Variants in POLE observed in about 807,000 individuals in gnomAD.
POLE encodes the protein DNA polymerase epsilon catalytic subunit A.
Under a neutral mutation model 279.2 loss-of-function variants are expected in POLE, and 188 were observed. The observed-to-expected ratio is 0.67, with a 90% CI of 0.60 to 0.76. The LOEUF is 0.76. Ranked by LOEUF, POLE falls within the 30% of genes least tolerant of loss-of-function variation. The pLI is 0.00. For missense variants in POLE, 2,703 were observed against 3,016.7 expected, an observed-to-expected ratio of 0.90 and a Z score of 2.44; for synonymous variants, 1,214 against 1,172.5, an observed-to-expected ratio of 1.04 and a Z score of -0.72.
rs371146029 is a variant in POLE, at chr12:132,632,318, G to A, written c.6327C>T (p.Cys2109=). The change falls in exon 45 of 49, where the codon TGC becomes TGT. Residue 2109 remains cysteine, a synonymous_variant. Coordinates refer to ENST00000320574, the MANE Select transcript of POLE (RefSeq NM_006231.4). ...NPALEFIKYV[C]KVLSLDTNIT... ...ACACGCACGCTGGCACTCTCACCTTGCACACGTATTTGATGAACTCCAGGG... is the reference window on the plus strand; with the variant it reads ...ACACGCACGCTGGCACTCTCACCTTACACACGTATTTGATGAACTCCAGGG... 4.3e-6 allele frequency: 7 copies of A among 1,613,170 alleles called. No homozygotes were observed. The highest frequency in any genetic ancestry group is 1.3e-5 in the African/African-American group (1 of 74,898).
intron 29 of POLE, among the ~76,000 whole-genome samples, chr12:132,656,281 G>A (rs1030142003): frequency 6.6e-6 from 1 of 152,098 alleles, no homozygotes. Context: ...ACTCCGTCTT[G>A]GGGGGCAGGG....
At chr12:132,672,396 G>C in intron 15 of POLE, 74 bp from the exon 16 acceptor site, 2 of 1,269,460 alleles carry the variant, frequency 1.6e-6, no homozygotes, top group South Asian at 2.4e-5. Context: ...TTGACGCTGT[G>C]GCTGCACGTG....
At chr12:132,631,929 C>G (rs1187013962) in intron 45 of POLE, among the ~76,000 whole-genome samples, 1 of 152,180 alleles carries the variant, frequency 6.6e-6, no homozygotes. Context: ...CTTCTCGGGT[C>G]GGCTGGCAGC....
At chr12:132,672,933 A>G in intron 14 of POLE, 94 bp from the exon 15 acceptor site, 15 of 1,172,556 alleles carry the variant, frequency 1.3e-5, no homozygotes, top group Middle Eastern at 4.5e-4. Context: ...TTCAGTGTGA[A>G]AGGAGAGAAA....
intron 32 of POLE, among the ~76,000 whole-genome samples, chr12:132,645,800 CCACACACACA>C (rs10553413): frequency 1.3e-5 from 2 of 149,780 alleles, no homozygotes; most frequent in Admixed American, 6.6e-5. Flanking sequence ...ACACACACAC[CCACACACACA>C]CACACAAAAT....
intron 29 of POLE, chr12:132,650,693 A>G (rs1017939375): frequency 6.6e-6 from 1 of 152,202 alleles, no homozygotes; most frequent in East Asian, 1.9e-4. Flanking sequence ...GCATTTTGCC[A>G]TGTTTGCTCC....
Position 132,658,881 on chromosome 12 carries a change from C to CAAAAAAAAAAAA in POLE, c.3275+402_3275+413dup, listed in dbSNP as rs1167117347. Among the ~76,000 whole-genome samples, 238 of 33,826 alleles carry CAAAAAAAAAAAA rather than the reference C, an allele frequency of 7.0e-3. 49 individuals are homozygous for CAAAAAAAAAAAA. The highest frequency in any genetic ancestry group is 8.4e-3 in the Non-Finnish European group (150 of 17,920). 22.2% of individuals were successfully genotyped at this position (33,826 alleles called of 152,430 possible). A position where few individuals can be genotyped will look rare whatever the true frequency, so the allele number is the denominator to read the frequency against. Reference sequence around the variant, plus strand: ...ACTGGTCCTATTTGTATATAACCACCAAAAAAAAAAAAAAAAAAAAAAAAA... The same window carrying CAAAAAAAAAAAA: ...ACTGGTCCTATTTGTATATAACCACCAAAAAAAAAAAAAAAAAAAAAAAAAAAAAAAAAAAAA... On this transcript the variant is annotated intron_variant, in intron 26 of 48. Transcript: ENST00000320574.
intron 32 of POLE, among the ~76,000 whole-genome samples, chr12:132,645,224 TG>T (rs1416436300): frequency 5.6e-5 from 1 of 18,014 alleles, no homozygotes; most frequent in East Asian, 1.6e-3. Context: ...TGTGGGGTCC[TG>T]GGGGGTCTGG....
rs376360761 is a variant in POLE at position 132,642,458 on chromosome 12, C to T, written c.4952+48G>A. The T allele has an allele frequency of 5.6e-5, 90 of 1,600,152 alleles. 1 individual carries two copies. The highest frequency in any genetic ancestry group is 5.1e-4 in the African/African-American group (38 of 74,700). ...GCCGGGTCACAGAGACCACCGAGGC[C>T]GGCTCTGCCTGGGGACCACTGGCCC... On this transcript the variant is annotated intron_variant, in intron 37 of 48. Transcript: ENST00000320574.
At chr12:132,646,168 T>C (rs560610352) in intron 32 of POLE, among the ~76,000 whole-genome samples, 6 of 152,302 alleles carry the variant, frequency 3.9e-5, no homozygotes, top group South Asian at 2.1e-4. Context: ...CAAGAAGATA[T>C]TGACCACCAA....
intron 41 of POLE, among the ~76,000 whole-genome samples, chr12:132,636,440 GGAAAAAAAAA>G (rs1455382975): frequency 2.8e-5 from 2 of 70,364 alleles, no homozygotes; most frequent in East Asian, 3.7e-4. Flanking sequence ...ATCCATTTAA[GGAAAAAAAAA>G]AAAAAAAAAA....
Position 132,649,796 on chromosome 12 carries a change from G to A in POLE, c.3676C>T (p.Pro1226Ser), listed in dbSNP as rs773990429. 6 of 1,614,194 alleles carry A rather than the reference G, an allele frequency of 3.7e-6. No homozygotes were observed. The South Asian group carries it at 5.5e-5, about 15-fold the overall frequency. ...GLVKLPHPAA[P>S]VTVKRKRVLW... Reference sequence around the variant, plus strand: ...ACTCGCTTCCTCTTCACAGTGACAGGGGCTGCTGGGTGAGGCAGCTTTACG... The same window carrying A: ...ACTCGCTTCCTCTTCACAGTGACAGAGGCTGCTGGGTGAGGCAGCTTTACG... The change falls in exon 30 of 49, where the codon CCT becomes TCT. Residue 1226 changes from proline to serine, a missense_variant. Pro to Ser is a moderately conservative substitution (Grantham distance 74, BLOSUM62 -1). Around this residue, in one of 5 missense-constraint regions of POLE, gnomAD observed 1,551 missense variants for 1,686.1 expected, o/e 0.92. Transcript: ENST00000320574.
At chr12:132,673,374 C>T (rs2042974975) in intron 13 of POLE, 97 bp from the exon 14 acceptor site, 9 of 1,156,084 alleles carry the variant, frequency 7.8e-6, no homozygotes, top group South Asian at 2.5e-5. Flanking sequence ...ACCAGCCTGC[C>T]GCACACACAG....
chr12:132,649,416 C>T lies in POLE; in HGVS notation c.3895G>A (p.Glu1299Lys), dbSNP rs753514393. 6.2e-7 allele frequency: 1 copy of T among 1,613,226 alleles called. No individual in the cohort carries two copies. The highest frequency in any genetic ancestry group is 1.1e-5 in the South Asian group (1 of 91,086). ...RRKRQRLESAEGVLRPGAIRD... is the reference protein window; with the variant it reads ...RRKRQRLESAKGVLRPGAIRD... ...ATGGCCCCGGGCCTGAGCACACCCTCTGCCGACTCCAGACGCTGCCTCTTC... is the reference window on the plus strand; with the variant it reads ...ATGGCCCCGGGCCTGAGCACACCCTTTGCCGACTCCAGACGCTGCCTCTTC... The change falls in exon 31 of 49, where the codon GAG becomes AAG. Residue 1299 changes from glutamate (E) to lysine (K), a missense_variant. This residue lies in a region of POLE where 1,551 missense variants were observed against 1,686.1 expected (regional missense o/e 0.92). Coordinates refer to ENST00000320574, the MANE Select transcript of POLE (RefSeq NM_006231.4).
At chr12:132,638,951 G>A (rs956204091) in intron 40 of POLE, 174 bp downstream of exon 40, 7 of 620,410 alleles carry the variant, frequency 1.1e-5, no homozygotes, top group Non-Finnish European at 2.0e-5. Flanking sequence ...TGCAGGCGAC[G>A]CTGCAGCAGC....
At chr12:132,626,484 A>G (rs1250429293) in intron 45 of POLE, among the ~76,000 whole-genome samples, 167 bp from the exon 46 acceptor site, 2 of 152,200 alleles carry the variant, frequency 1.3e-5, no homozygotes, top group Non-Finnish European at 2.9e-5. Flanking sequence ...GCAGTTTTCC[A>G]TCGGTGAGGA....
In POLE at chr12:132,624,764, T is replaced by C. The variant is rs748851961; in HGVS notation, c.6794A>G (p.Tyr2265Cys). The change falls in exon 49 of 49, where the codon TAC becomes TGC. Residue 2265 changes from tyrosine to cysteine, a missense_variant. Around this residue, in one of 5 missense-constraint regions of POLE, gnomAD observed 1,551 missense variants for 1,686.1 expected, o/e 0.92. Transcript: ENST00000320574. ...GGTCTCCAGGAGGTACGACATGCCG[T>C]AGTGCTGGGCAATGTTCCGGAATAT... ...IGIFRNIAQH[Y>C]GMSYLLETLE... 1.2e-6 allele frequency: 2 copies of C among 1,613,850 alleles called. No homozygotes were observed. The highest frequency in any genetic ancestry group is 1.7e-5 in the Admixed American group (1 of 60,028).
chr12:132,651,330 C>G (rs866395810), intron 29 of POLE: 5 of 152,136 alleles, frequency 3.3e-5, no homozygotes, highest in South Asian at 2.1e-4. Context: ...GAATGACAAG[C>G]GCCTACTTTT....
chr12:132,685,556 G>A (rs1372921800), intron 1 of POLE, among the ~76,000 whole-genome samples: 2 of 152,248 alleles, frequency 1.3e-5, no homozygotes, highest in South Asian at 4.1e-4. Flanking sequence ...TAAGGTAAAA[G>A]CCATCACTTG....
Sources: allele counts gnomAD v4.1 joint callset (sites outside exome capture counted in the v4.1 genomes callset), GRCh38; gene constraint gnomAD v4.1.1; regional missense constraint gnomAD v4.1.1; transcripts MANE v1.5; gene names NCBI Gene and HGNC (gene_info 2026-07-23, HGNC 2026-07-21).